The following SMC3 variants were observed in gnomAD, a reference collection of about 807,000 sequenced individuals.
SMC3 encodes structural maintenance of chromosomes 3.
In SMC3, 20 loss-of-function variants were observed where a neutral mutation model predicts 171.8. The observed-to-expected ratio is 0.12, with a 90% CI of 0.08 to 0.17. The LOEUF (loss-of-function observed/expected upper bound fraction) is 0.17. Ranked by LOEUF, SMC3 falls within the 10% of genes least tolerant of loss-of-function variation. The pLI, the probability that SMC3 is intolerant of heterozygous loss-of-function variation, is 1.00. For synonymous variants in SMC3, 464 were observed against 451.1 expected (o/e 1.03, Z -0.36); for missense variants, 543 against 1,420.4 (o/e 0.38, Z 9.93).
intron 2 of SMC3, among the ~76,000 whole-genome samples, chr10:110,571,219 A>G (rs748264063): frequency 6.6e-6 from 1 of 152,206 alleles, no homozygotes; most frequent in Non-Finnish European, 1.5e-5. Flanking sequence ...ATAACAGTCT[A>G]TACTTGTGAT....
intron 5 of SMC3, 110 bp downstream of exon 5, chr10:110,577,602 T>A: frequency 1.3e-6 from 1 of 789,458 alleles, no homozygotes; most frequent in South Asian, 1.6e-5. Flanking sequence ...TTACAGTTTA[T>A]ATACTGATTT....
Position 110,567,782 on chromosome 10 carries a change from G to T in SMC3, c.-35G>T, listed in dbSNP as rs374449319. On this transcript the variant is annotated 5_prime_UTR_variant, in exon 1 of 29. Transcript: ENST00000361804. ...CTGCGGCCGTGCGGTTGCTGCTCCG[G>T]GGCAGGTCTCCTTCCAGGCCAGGGG... 9.3e-6 allele frequency: 15 copies of T among 1,613,294 alleles called. No homozygotes were observed. The East Asian group carries it at 2.5e-4, about 26-fold the overall frequency.
rs994054293 is a variant in SMC3 at position 110,584,680 on chromosome 10, C to T, written c.1305+284C>T. Among the ~76,000 whole-genome samples, 7 of 152,178 alleles carry T rather than the reference C, an allele frequency of 4.6e-5. No homozygotes were observed. In the South Asian group the frequency reaches 1.4e-3, roughly 31 times the overall value. ...TTGTTCTGTCACCCAATCTGGAGTG[C>T]AGTGGTACAAACACAACTCACTGCA... On this transcript the variant is annotated intron_variant, in intron 13 of 28. Transcript: ENST00000361804.
chr10:110,602,479 T>C lies in SMC3; in HGVS notation c.3111T>C (p.Ser1037=). Residue 1037 remains serine, a synonymous_variant, in exon 26 of 29, where the codon TCT becomes TCC. Transcript: ENST00000361804. The part of the protein sequence containing the change: ...EAIQLTFKQV[S]KNFSEVFQKL... ...CAATCTGCTTTTGTTTTAAGGTATC[T>C]AAGAACTTCAGTGAAGTATTCCAGA... 3 of 1,612,208 alleles carry C rather than the reference T, an allele frequency of 1.9e-6. No homozygotes were observed. Among genetic ancestry groups the C allele is most frequent in the South Asian group, 1.1e-5 (1 of 90,992 alleles).
intron 15 of SMC3, 56 bp from the exon 16 acceptor site, chr10:110,590,356 C>T: frequency 2.1e-6 from 3 of 1,433,202 alleles, no homozygotes; most frequent in Non-Finnish European, 9.8e-7. Context: ...TCATTCCTTA[C>T]CAGGAGTGCC....
At position 110,582,931 on chromosome 10, in the gene SMC3, G is replaced by GTTTTT. The variant is rs59010687; in HGVS notation, c.804+301_804+305dup. Among the ~76,000 whole-genome samples, 25 of 136,270 alleles carry GTTTTT rather than the reference G, an allele frequency of 1.8e-4. 1 individual carries two copies. Among genetic ancestry groups the GTTTTT allele is most frequent in the African/African-American group, 3.0e-4 (11 of 36,104 alleles). 89.4% of individuals were successfully genotyped at this position (136,270 alleles called of 152,430 possible). On this transcript the variant is annotated intron_variant, in intron 10 of 28. Coordinates refer to ENST00000361804, the MANE Select transcript of SMC3 (RefSeq NM_005445.4). The stretch of plus-strand genomic sequence containing the variant: ...GGTCCTTCTGCCTCAGCCTCCTGAA[G>GTTTTT]TTTTTTTTTTTTTTTTGGAAGACAG...
At chr10:110,592,938 C>A (rs1380253579) in intron 17 of SMC3, 135 bp from the exon 18 acceptor site, 6 of 792,546 alleles carry the variant, frequency 7.6e-6, no homozygotes, top group South Asian at 1.6e-5. Context: ...CTAACTACTT[C>A]AGGGAAAACG....
At chr10:110,590,268 T>C in intron 15 of SMC3, 144 bp from the exon 16 acceptor site, 2 of 740,428 alleles carry the variant, frequency 2.7e-6, no homozygotes, top group East Asian at 2.7e-5. Context: ...TGGCATATTG[T>C]GAGGAGGTGA....
intron 7 of SMC3, among the ~76,000 whole-genome samples, chr10:110,580,040 T>G (rs904999293): frequency 2.3e-4 from 35 of 152,240 alleles, no homozygotes; most frequent in African/African-American, 8.4e-4. Context: ...ATATTTAAAA[T>G]AAATAAAATT....
At chr10:110,598,564 A>G (rs1861336590) in intron 20 of SMC3, among the ~76,000 whole-genome samples, 1 of 151,876 alleles carries the variant, frequency 6.6e-6, no homozygotes, top group South Asian at 2.1e-4. Context: ...ACGCCACCAC[A>G]TCCGGCTAAT....
intron 17 of SMC3, 108 bp from the exon 18 acceptor site, chr10:110,592,965 A>G (rs1861232236): frequency 1.1e-6 from 1 of 944,808 alleles, no homozygotes; most frequent in South Asian, 1.4e-5. Flanking sequence ...GTTTTGAAAT[A>G]TAATGGTGTT....
Position 110,605,290 on chromosome 10 carries a change from G to C in SMC3, c.*988G>C, listed in dbSNP as rs371612433. Among the ~76,000 whole-genome samples, 93 of 152,196 alleles carry C rather than the reference G, an allele frequency of 6.1e-4. 2 individuals are homozygous for C. The East Asian group carries it at 0.014, about 24-fold the overall frequency. ...GGTCTTTAAGCACTGGGGGTCTCCT[G>C]TGACCCTGGAAAACTACCTCAATAG... On this transcript the variant is annotated 3_prime_UTR_variant, in exon 29 of 29. Transcript: ENST00000361804.
At chr10:110,579,209 CT>C (rs1018420541) in intron 7 of SMC3, among the ~76,000 whole-genome samples, 1 of 151,054 alleles carries the variant, frequency 6.6e-6, no homozygotes. Flanking sequence ...TATACTTTCA[CT>C]TTTTTTTTGG....
chr10:110,598,355 A>G, intron 20 of SMC3, 65 bp downstream of exon 20: 3 of 1,449,454 alleles, frequency 2.1e-6, no homozygotes, highest in South Asian at 1.1e-5. Context: ...AATATGAATC[A>G]TACATTATAT....
At chr10:110,573,651 G>C (rs1860906391) in intron 2 of SMC3, 56 bp from the exon 3 acceptor site, 2 of 1,213,564 alleles carry the variant, frequency 1.6e-6, no homozygotes, top group Non-Finnish European at 2.4e-6. Context: ...AAGGTAAACA[G>C]TTTTAATTTT....
rs747520781 is a variant in SMC3 at position 110,604,323 on chromosome 10, G to A, written c.*21G>A. On this transcript the variant is annotated 3_prime_UTR_variant, in exon 29 of 29. Coordinates refer to ENST00000361804, the MANE Select transcript of SMC3 (RefSeq NM_005445.4). ...GTTAATTGGAAAATACTACCTACTGGTTTGGGAGATGTATATAGTAATATG... is the reference window on the plus strand; with the variant it reads ...GTTAATTGGAAAATACTACCTACTGATTTGGGAGATGTATATAGTAATATG... The A allele has an allele frequency of 7.8e-6, 12 of 1,541,626 alleles. No homozygotes were observed. The South Asian group carries it at 1.3e-4, about 17-fold the overall frequency.
chr10:110,604,094 CAAAA>C (rs57491050), intron 28 of SMC3, 133 bp from the exon 29 acceptor site: 313 of 229,636 alleles, frequency 1.4e-3, no homozygotes, highest in Admixed American at 1.8e-3. Context: ...GACTCCATCT[CAAAA>C]AAAAAAAAAA....
At chr10:110,594,735 A>G (rs1297229047) in intron 18 of SMC3, among the ~76,000 whole-genome samples, 1 of 151,888 alleles carries the variant, frequency 6.6e-6, no homozygotes, top group Non-Finnish European at 1.5e-5. Flanking sequence ...GTTTCTGTAT[A>G]TGTACGTTTT....
At chr10:110,589,806 T>G (rs1861179371) in intron 14 of SMC3, 86 bp from the exon 15 acceptor site, 22 of 1,484,750 alleles carry the variant, frequency 1.5e-5, no homozygotes, top group Non-Finnish European at 2.0e-5. Flanking sequence ...CAGGCTTGTT[T>G]TCTGTATTTT....
Sources: gnomAD v4.1 joint callset for allele counts (sites outside exome capture counted in the v4.1 genomes callset) on GRCh38, gnomAD v4.1.1 for gene constraint, MANE v1.5 for transcripts, NCBI Gene and HGNC (gene_info 2026-07-23, HGNC 2026-07-21) for gene names.